The following RANBP2 variants were observed in gnomAD, a reference collection of about 807,000 sequenced individuals.
RANBP2 encodes E3 SUMO-protein ligase RanBP2.
A neutral mutation model predicts 303.6 loss-of-function variants in RANBP2; 57 were observed. The ratio of observed to expected loss-of-function variants is 0.19; its 90% CI spans 0.15 to 0.23. The LOEUF (loss-of-function observed/expected upper bound fraction) is 0.23. Among genes scored for constraint, RANBP2 ranks in the 10% least tolerant of loss-of-function variants. The probability of loss-of-function intolerance (pLI) is 1.00; values close to 1 mark genes in which losing one functional copy is unlikely to be tolerated. For missense variants in RANBP2, 3,138 were observed against 3,780.8 expected, an observed-to-expected ratio of 0.83 and a Z score of 4.46; for synonymous variants, 1,167 against 1,301.5, an observed-to-expected ratio of 0.90 and a Z score of 2.23.
At chr2:109,615,401 T>C in the RANBP2 span, 7 of 1,613,040 alleles carry the variant, frequency 4.3e-6, no homozygotes, top group Non-Finnish European at 5.1e-6. Context: ...CCGGCTTCAC[T>C]TGCCTGCACT....
chr2:109,721,176 A>G, the RANBP2 span, among the ~76,000 whole-genome samples: 4 of 152,244 alleles, frequency 2.6e-5, no homozygotes, highest in African/African-American at 9.6e-5. Flanking sequence ...GACACTGGTT[A>G]GTATTTACAA....
the RANBP2 span, among the ~76,000 whole-genome samples, chr2:109,066,858 G>T: frequency 6.6e-6 from 1 of 152,256 alleles, no homozygotes; most frequent in East Asian, 1.9e-4. Flanking sequence ...CAGCCCCAAA[G>T]GTTCCAAGAA....
At chr2:109,090,336 A>ACC in the RANBP2 span, among the ~76,000 whole-genome samples, 2,362 of 143,764 alleles carry the variant, frequency 0.016, 367 homozygotes, top group South Asian at 0.031. Flanking sequence ...ACACACACAC[A>ACC]CACACACACA....
chr2:109,604,749 G>C, the RANBP2 span: 2 of 152,210 alleles, frequency 1.3e-5, no homozygotes, highest in Non-Finnish European at 1.5e-5. Context: ...CACAGTAGTG[G>C]AATCTGCGTG....
chr2:109,303,494 T>A, the RANBP2 span, among the ~76,000 whole-genome samples: 1 of 152,208 alleles, frequency 6.6e-6, no homozygotes, highest in African/African-American at 2.4e-5. Flanking sequence ...TGAAAATATT[T>A]TCAGGCCTAG....
chr2:108,786,191 TATACCCC>T (rs1349742851), downstream of RANBP2, among the ~76,000 whole-genome samples: 1 of 151,954 alleles, frequency 6.6e-6, no homozygotes, highest in East Asian at 1.9e-4. Flanking sequence ...AATACCCTGT[TATACCCC>T]ATATGGAACA....
chr2:109,568,012 G>A, the RANBP2 span: 15 of 1,490,452 alleles, frequency 1.0e-5, no homozygotes, highest in Non-Finnish European at 1.3e-5. Flanking sequence ...TCTTACTGAG[G>A]ATTTTTTTTT....
the RANBP2 span, among the ~76,000 whole-genome samples, chr2:109,161,241 G>C: frequency 6.6e-6 from 1 of 152,180 alleles, no homozygotes; most frequent in Non-Finnish European, 1.5e-5. Context: ...TTATAAGTCA[G>C]GCACGAGTAT....
the RANBP2 span, among the ~76,000 whole-genome samples, chr2:108,831,795 T>C: frequency 6.6e-6 from 1 of 151,040 alleles, no homozygotes; most frequent in African/African-American, 2.4e-5. Context: ...CGCAATGGCA[T>C]GATCTCGGCC....
the RANBP2 span, among the ~76,000 whole-genome samples, chr2:109,254,457 T>C: frequency 1.3e-5 from 2 of 152,168 alleles, no homozygotes; most frequent in Admixed American, 6.5e-5. Flanking sequence ...GTACTTAGAA[T>C]AGGGCCTGAC....
At chr2:109,433,981 G>T in the RANBP2 span, among the ~76,000 whole-genome samples, 14 of 152,204 alleles carry the variant, frequency 9.2e-5, no homozygotes, top group Non-Finnish European at 2.1e-4. Flanking sequence ...GGGGTGACTT[G>T]CCCAGTGTGC....
At chr2:109,460,033 A>T in the RANBP2 span, among the ~76,000 whole-genome samples, 1 of 152,228 alleles carries the variant, frequency 6.6e-6, no homozygotes, top group African/African-American at 2.4e-5. Flanking sequence ...TCAAAAGGTC[A>T]TTCTACATTC....
chr2:109,654,555 C>A, the RANBP2 span, among the ~76,000 whole-genome samples: 3 of 152,082 alleles, frequency 2.0e-5, no homozygotes, highest in Non-Finnish European at 4.4e-5. Flanking sequence ...TCTAGTGCAG[C>A]AGCTGCTTAT....
chr2:109,242,160 C>T, the RANBP2 span, among the ~76,000 whole-genome samples: 4 of 152,120 alleles, frequency 2.6e-5, no homozygotes, highest in Non-Finnish European at 5.9e-5. Context: ...ATCACTTCCC[C>T]TCTTGTCTGT....
At chr2:108,856,003 G>C in the RANBP2 span, among the ~76,000 whole-genome samples, 39 of 152,114 alleles carry the variant, frequency 2.6e-4, no homozygotes, top group Middle Eastern at 0.014. Flanking sequence ...CTTGATTATT[G>C]TACATTAAAA....
At chr2:108,883,465 C>G in the RANBP2 span, 2 of 152,230 alleles carry the variant, frequency 1.3e-5, no homozygotes, top group South Asian at 4.1e-4. Flanking sequence ...GATGAAGATC[C>G]AGACATAACC....
the RANBP2 span, among the ~76,000 whole-genome samples, chr2:109,145,264 C>T: frequency 2.6e-5 from 4 of 152,152 alleles, no homozygotes; most frequent in East Asian, 1.9e-4. Context: ...CCTGTGGCCC[C>T]GGTGATTGTC....
chr2:109,525,250 G>A, the RANBP2 span, among the ~76,000 whole-genome samples: 1 of 152,132 alleles, frequency 6.6e-6, no homozygotes, highest in Non-Finnish European at 1.5e-5. Flanking sequence ...TGCCTCCCGG[G>A]TTCGAGAGAT....
chr2:108,951,355 A>T, the RANBP2 span, among the ~76,000 whole-genome samples: 1 of 152,362 alleles, frequency 6.6e-6, no homozygotes, highest in South Asian at 2.1e-4. Flanking sequence ...CTGAACCATC[A>T]GTTATTTCTG....
Sources: allele counts gnomAD v4.1 joint callset (sites outside exome capture counted in the v4.1 genomes callset), GRCh38; gene constraint gnomAD v4.1.1; transcripts MANE v1.5; gene names NCBI Gene and HGNC (gene_info 2026-07-23, HGNC 2026-07-21).